FASTKD5: variants seen among roughly 807,000 people sequenced by gnomAD.
FASTKD5 encodes the protein FAST kinase domains 5.
In FASTKD5, 30 loss-of-function variants were observed where a neutral mutation model predicts 44.0. That is an observed-to-expected ratio of 0.68 (90% confidence interval 0.51 to 0.93). The LOEUF is 0.93. Among genes scored for constraint, FASTKD5 ranks in the 40% least tolerant of loss-of-function variants. The pLI, the probability that FASTKD5 is intolerant of heterozygous loss-of-function variation, is 0.00. For missense variants in FASTKD5, 868 were observed against 908.2 expected (o/e 0.96, Z 0.57); for synonymous variants, 335 against 342.2 (o/e 0.98, Z 0.23).
intron 1 of FASTKD5, among the ~76,000 whole-genome samples, chr20:3,157,098 C>CA (rs5839988): frequency 1.1e-4 from 17 of 150,818 alleles, no homozygotes; most frequent in East Asian, 7.8e-4. Flanking sequence ...CTGTCTCTAC[C>CA]AAAAAAAAAG....
At position 3,148,034 on chromosome 20, in the gene FASTKD5, G is replaced by C. The variant is rs1213619921; in HGVS notation, c.1037C>G (p.Ala346Gly). 7 of 1,614,040 alleles carry C rather than the reference G, an allele frequency of 4.3e-6. No individual in the cohort carries two copies. The highest frequency in any genetic ancestry group is 5.9e-6 in the Non-Finnish European group (7 of 1,180,048). The change falls in exon 2 of 2, where the codon GCT becomes GGT. Residue 346 changes from alanine (A) to glycine (G), a missense_variant. By Grantham distance (60) the Ala-to-Gly change is moderately conservative. Coordinates refer to ENST00000380266, the MANE Select transcript of FASTKD5 (RefSeq NM_021826.5). Reference protein sequence around the residue: ...VMRKIGDLACANIQHLSSRSL... With the variant: ...VMRKIGDLACGNIQHLSSRSL... ...GCGACTACTCAGATGCTGAATGTTA[G>C]CACAAGCCAAGTCTCCAATTTTCCG... is the stretch of plus-strand genomic sequence containing the variant.
In FASTKD5 at chr20:3,148,343, T is replaced by C. The variant is rs1442408955; in HGVS notation, c.728A>G (p.Gln243Arg). The C allele has an allele frequency of 6.2e-7, 1 of 1,614,180 alleles. No individual in the cohort carries two copies. Among genetic ancestry groups the C allele is most frequent in the South Asian group, 1.1e-5 (1 of 91,082 alleles). ...CHQVWEMNMD[Q>R]LLLVADLWRY... Reference sequence around the variant, plus strand: ...CCAGAGATCAGCCACCAAAAGGAGCTGATCCATATTCATCTCCCATACCTG... The same window carrying C: ...CCAGAGATCAGCCACCAAAAGGAGCCGATCCATATTCATCTCCCATACCTG... Residue 243 changes from glutamine (Q) to arginine (R), a missense_variant, in exon 2 of 2, where the codon CAG (glutamine) becomes CGG (arginine). Coordinates refer to ENST00000380266, the MANE Select transcript of FASTKD5 (RefSeq NM_021826.5).
In FASTKD5 at chr20:3,147,536, T is replaced by C; in HGVS notation, c.1535A>G (p.Lys512Arg). Residue 512 changes from lysine to arginine, a missense_variant, in exon 2 of 2, where the codon AAG becomes AGG. Coordinates refer to ENST00000380266, the MANE Select transcript of FASTKD5 (RefSeq NM_021826.5). Reference sequence around the variant, plus strand: ...TGTACCATCGAGGGTATATAGTTCCTTAAGGAGGTCAAACTTAGTTCTCTC... The same window carrying C: ...TGTACCATCGAGGGTATATAGTTCCCTAAGGAGGTCAAACTTAGTTCTCTC... ...AQERTKFDLL[K>R]ELYTLDGTVG... is the part of the protein sequence containing the mutation. 2 of 1,614,220 alleles carry C rather than the reference T, an allele frequency of 1.2e-6. No individual in the cohort carries two copies. Among genetic ancestry groups the C allele is most frequent in the African/African-American group, 2.7e-5 (2 of 75,056 alleles).
At chr20:3,151,876 A>G (rs2066628695) in intron 1 of FASTKD5, 1 of 151,802 alleles carries the variant, frequency 6.6e-6, no homozygotes, top group African/African-American at 2.4e-5. Context: ...AGGCCAAGGC[A>G]GGCAGATCAC....
At position 3,147,008 on chromosome 20, in the gene FASTKD5, G is replaced by A; in HGVS notation, c.2063C>T (p.Ala688Val). The A allele has an allele frequency of 6.2e-7, 1 of 1,614,182 alleles. No homozygotes were observed. The highest frequency in any genetic ancestry group is 1.1e-5 in the South Asian group (1 of 91,080). Residue 688 changes from alanine (A) to valine (V), a missense_variant, in exon 2 of 2, where the codon GCC becomes GTC. Transcript: ENST00000380266. ...CTTCATTCTTGGGGTCTGCATGCAG[G>A]CTGCGGGGCACAGGCCAGCCATCTC... Reference protein sequence around the residue: ...AMEMAGLCPAACMQTPRMKLA... With the variant: ...AMEMAGLCPAVCMQTPRMKLA...
chr20:3,157,254 T>C (rs147034460), intron 1 of FASTKD5, among the ~76,000 whole-genome samples: 93 of 152,354 alleles, frequency 6.1e-4, no homozygotes, highest in Middle Eastern at 6.8e-3. Flanking sequence ...TCTTCTGTGT[T>C]TCTGTTTCCA....
intron 1 of FASTKD5, among the ~76,000 whole-genome samples, chr20:3,158,411 C>T (rs1247595454): frequency 6.6e-6 from 1 of 152,292 alleles, no homozygotes; most frequent in East Asian, 1.9e-4. Flanking sequence ...TGCCAAAGGC[C>T]TCACTTTTTA....
At chr20:3,158,008 G>A (rs1369718824) in intron 1 of FASTKD5, among the ~76,000 whole-genome samples, 1 of 151,858 alleles carries the variant, frequency 6.6e-6, no homozygotes, top group Non-Finnish European at 1.5e-5. Flanking sequence ...TCTCACCCCG[G>A]CAACCTCCCG....
chr20:3,148,359 C>T lies in FASTKD5; in HGVS notation c.712G>A (p.Glu238Lys). Residue 238 changes from glutamate (E) to lysine (K), a missense_variant, in exon 2 of 2, where the codon GAG becomes AAG. Physicochemically the swap from Glu to Lys is moderately conservative, Grantham distance 56. Transcript: ENST00000380266. The part of the protein sequence containing the change: ...YETKCCHQVW[E>K]MNMDQLLLVA... ...AAAAGGAGCTGATCCATATTCATCT[C>T]CCATACCTGATGGCAACACTTGGTC... 6.2e-7 allele frequency: 1 copy of T among 1,614,168 alleles called. No individual in the cohort carries two copies. Among genetic ancestry groups the T allele is most frequent in the South Asian group, 1.1e-5 (1 of 91,080 alleles).
chr20:3,148,521 T>A lies in FASTKD5; in HGVS notation c.550A>T (p.Ser184Cys). Residue 184 changes from serine (S) to cysteine (C), a missense_variant, in exon 2 of 2, where the codon AGT becomes TGT. By Grantham distance (112) the Ser-to-Cys change is moderately radical. Transcript: ENST00000380266. ...PAEQHPVLLG[S>C]TSFALLCQLS... ...TGGCAGAGCAGAGCAAAGCTGGTAC[T>A]GCCCAGCAAGACAGGATGCTGCTCT... 1 of 1,614,170 alleles carries A rather than the reference T, an allele frequency of 6.2e-7. No homozygotes were observed. The highest frequency in any genetic ancestry group is 8.5e-7 in the Non-Finnish European group (1 of 1,180,032).
chr20:3,158,737 G>A (rs13041542), intron 1 of FASTKD5, among the ~76,000 whole-genome samples: 40,384 of 152,138 alleles, frequency 0.27, 6,395 homozygotes, highest in Non-Finnish European at 0.35. Flanking sequence ...ACCTCCCAAA[G>A]TGCTGGGATT....
At chr20:3,159,260 G>A (rs116610176) in intron 1 of FASTKD5, among the ~76,000 whole-genome samples, 1,977 of 152,288 alleles carry the variant, frequency 0.013, 50 homozygotes, top group African/African-American at 0.045. Flanking sequence ...CGAAGACTCC[G>A]CATCCCAAAT....
Position 3,149,146 on chromosome 20 carries a change from A to G in FASTKD5, c.-76T>C. The G allele has an allele frequency of 2.7e-6, 4 of 1,490,876 alleles. No individual in the cohort carries two copies. The highest frequency in any genetic ancestry group is 3.6e-6 in the Non-Finnish European group (4 of 1,106,742). 92.4% of individuals were successfully genotyped at this position (1,490,876 alleles called of 1,614,324 possible). A position where few individuals can be genotyped will look rare whatever the true frequency, so the allele number is the denominator to read the frequency against. ...TTTGACCAGGCAATTTCTTGTTTAT[A>G]TGGTGCTTGATTAGAGCTGGACGGG... On this transcript the variant is annotated 5_prime_UTR_variant, in exon 2 of 2. Transcript: ENST00000380266. This position sits in a 1 kb window ranked among gnomAD's most constrained non-coding sequence, Gnocchi z 4.1.
chr20:3,147,217 A>C lies in FASTKD5; in HGVS notation c.1854T>G (p.Leu618=). 6.2e-7 allele frequency: 1 copy of C among 1,614,214 alleles called. No homozygotes were observed. Among genetic ancestry groups the C allele is most frequent in the Non-Finnish European group, 8.5e-7 (1 of 1,180,042 alleles). The change falls in exon 2 of 2, where the codon CTT becomes CTG. Residue 618 remains leucine (L), a synonymous_variant. Transcript: ENST00000380266. Reference sequence around the variant, plus strand: ...CTGTAAGGCTGACTCCCACATGCTCAAGCCTTAATTTGGCTACATTTTCAG... The same window carrying C: ...CTGTAAGGCTGACTCCCACATGCTCCAGCCTTAATTTGGCTACATTTTCAG... ...TPAENVAKLR[L]EHVGVSLTDD...
rs2066604074 is a variant in FASTKD5, at chr20:3,149,587, T to C, written c.-190-327A>G. 6.6e-6 allele frequency among the ~76,000 whole-genome samples: 1 copy of C among 152,212 alleles called. No homozygotes were observed. The highest frequency in any genetic ancestry group is 2.4e-5 in the African/African-American group (1 of 41,462). Reference sequence around the variant, plus strand: ...GATAGGAAGAAGGAAGGCAGATTTCTAGAAAGAAGGCTGGGAACAAAAGTG... The same window carrying C: ...GATAGGAAGAAGGAAGGCAGATTTCCAGAAAGAAGGCTGGGAACAAAAGTG... On this transcript the variant is annotated intron_variant, in intron 1 of 1. Coordinates refer to ENST00000380266, the MANE Select transcript of FASTKD5 (RefSeq NM_021826.5). The surrounding 1 kb of genome is among the most constrained non-coding windows in gnomAD (Gnocchi z 4.1).
In FASTKD5 at chr20:3,149,861, T is replaced by C. The variant is rs1378442975; in HGVS notation, c.-190-601A>G. On this transcript the variant is annotated intron_variant, in intron 1 of 1. Coordinates refer to ENST00000380266, the MANE Select transcript of FASTKD5 (RefSeq NM_021826.5). The surrounding 1 kb of genome is among the most constrained non-coding windows in gnomAD (Gnocchi z 4.1). ...GGCGAAATCCCGTCTCTATTAAAAA[T>C]ACAAAAAATTACCCAGGTGTGGCAG... 2.0e-5 allele frequency among the ~76,000 whole-genome samples: 3 copies of C among 151,734 alleles called. No individual in the cohort carries two copies. Among genetic ancestry groups the C allele is most frequent in the Admixed American group, 6.6e-5 (1 of 15,206 alleles).
intron 1 of FASTKD5, among the ~76,000 whole-genome samples, chr20:3,155,290 A>G (rs1192396442): frequency 6.6e-6 from 1 of 150,486 alleles, no homozygotes; most frequent in Non-Finnish European, 1.5e-5. Flanking sequence ...AGCACTTTGG[A>G]AGGCTGAGGC....
At chr20:3,152,531 G>C (rs192201149) in intron 1 of FASTKD5, among the ~76,000 whole-genome samples, 4 of 151,924 alleles carry the variant, frequency 2.6e-5, no homozygotes, top group African/African-American at 7.2e-5. Flanking sequence ...ACCTACTTTC[G>C]AATTTGGAAT....
intron 1 of FASTKD5, among the ~76,000 whole-genome samples, chr20:3,151,172 G>C (rs2066620492): frequency 6.6e-6 from 1 of 152,082 alleles, no homozygotes; most frequent in South Asian, 2.1e-4. Context: ...TGAAGTGCTA[G>C]TATTACAGGC....
Sources: gnomAD v4.1 joint callset for allele counts (sites outside exome capture counted in the v4.1 genomes callset) on GRCh38, gnomAD v4.1.1 for gene constraint, Gnocchi (gnomAD v3.1) non-coding constraint, MANE v1.5 for transcripts, NCBI Gene and HGNC (gene_info 2026-07-23, HGNC 2026-07-21) for gene names.